The following PDE4DIP variants were observed in gnomAD, a reference collection of about 807,000 sequenced individuals.
PDE4DIP encodes the protein phosphodiesterase 4D interacting protein.
Under a neutral mutation model 221.4 loss-of-function variants are expected in PDE4DIP, and 59 were observed. The ratio of observed to expected loss-of-function variants is 0.27; its 90% CI spans 0.22 to 0.33. The LOEUF is 0.33. Among genes scored for constraint, PDE4DIP ranks in the 10% least tolerant of loss-of-function variants. PDE4DIP has a pLI of 1.00. For missense variants in PDE4DIP, 1,036 were observed against 2,154.2 expected (o/e 0.48, Z 10.28); for synonymous variants, 404 against 815.9 (o/e 0.50, Z 8.60).
At chr1:148,970,904 T>C (rs1342428596) in intron 14 of PDE4DIP, among the ~76,000 whole-genome samples, 3 of 152,352 alleles carry the variant, frequency 2.0e-5, no homozygotes, top group Non-Finnish European at 4.4e-5. Flanking sequence ...GGAAGGTTTT[T>C]TCATATTTCC....
intron 9 of PDE4DIP, among the ~76,000 whole-genome samples, chr1:148,964,639 G>T (rs2057796754): frequency 6.9e-6 from 1 of 145,288 alleles, no homozygotes; most frequent in Non-Finnish European, 1.5e-5. Context: ...GCTCACGCCT[G>T]TAATCCCAGC....
intron 23 of PDE4DIP, among the ~76,000 whole-genome samples, chr1:149,000,204 A>G (rs1303975841): frequency 6.6e-6 from 1 of 152,144 alleles, no homozygotes; most frequent in Non-Finnish European, 1.5e-5. Flanking sequence ...TCAAGTTGTG[A>G]ATTACCCATT....
Position 149,023,660 on chromosome 1 carries a change from ATG to A in PDE4DIP, c.6086-780_6086-779del, listed in dbSNP as rs2073939115. Among the ~76,000 whole-genome samples the A allele has an allele frequency of 1.7e-4, 15 of 89,214 alleles. 1 individual carries two copies. Among genetic ancestry groups the A allele is most frequent in the South Asian group, 1.2e-3 (3 of 2,554 alleles). The allele number at this position is 89,214 out of a possible 152,430, so 58.5% of individuals were successfully genotyped here. On this transcript the variant is annotated intron_variant, in intron 37 of 43. Transcript: ENST00000369354. ...TGTGCACATATATATGTACATGTAT[ATG>A]TGTGCACATATATATGTACATGTAT...
chr1:148,885,358 G>A (rs4284209), upstream of PDE4DIP, among the ~76,000 whole-genome samples: 1 of 151,960 alleles, frequency 6.6e-6, no homozygotes, highest in East Asian at 1.9e-4. Flanking sequence ...AGAGCAGCCA[G>A]GCAGAAGGGT....
At chr1:148,923,833 T>C (rs1184590612) in intron 1 of PDE4DIP, among the ~76,000 whole-genome samples, 3 of 146,222 alleles carry the variant, frequency 2.1e-5, no homozygotes, top group Non-Finnish European at 3.0e-5. Flanking sequence ...TATTCCTCAC[T>C]ACAAACTTTG....
intron 14 of PDE4DIP, among the ~76,000 whole-genome samples, chr1:148,970,463 A>G (rs2058999373): frequency 6.6e-6 from 1 of 151,946 alleles, no homozygotes; most frequent in Non-Finnish European, 1.5e-5. Flanking sequence ...GATGGAAATT[A>G]CAGGAGATTT....
intron 1 of PDE4DIP, among the ~76,000 whole-genome samples, chr1:148,923,647 G>A (rs1404964687): frequency 6.9e-6 from 1 of 144,792 alleles, no homozygotes; most frequent in African/African-American, 2.7e-5. Flanking sequence ...CTAATTTTTT[G>A]TATTTTTAGT....
chr1:148,920,145 A>ATTTC (rs1422958680), intron 1 of PDE4DIP, among the ~76,000 whole-genome samples: 1 of 148,632 alleles, frequency 6.7e-6, no homozygotes, highest in Non-Finnish European at 1.5e-5. Flanking sequence ...TTATTTATTT[A>ATTTC]TTTATTTGAG....
intron 4 of PDE4DIP, among the ~76,000 whole-genome samples, chr1:148,935,448 C>G (rs2049026065): frequency 1.3e-5 from 1 of 79,212 alleles, no homozygotes; most frequent in East Asian, 3.5e-4. Flanking sequence ...CTTCCCTGGG[C>G]CTTTGTTCCA....
Position 148,961,082 on chromosome 1 carries a change from G to A in PDE4DIP, c.768+297G>A, listed in dbSNP as rs587673013. Among the ~76,000 whole-genome samples, 129 of 152,242 alleles carry A rather than the reference G, an allele frequency of 8.5e-4. 1 individual carries two copies. The highest frequency in any genetic ancestry group is 2.9e-3 in the African/African-American group (121 of 41,548). ...AGTGCTTTGGGAGGCCAAGGCAGGCGGATCACGAGGTCAGGAGTTCGAGAC... is the reference window on the plus strand; with the variant it reads ...AGTGCTTTGGGAGGCCAAGGCAGGCAGATCACGAGGTCAGGAGTTCGAGAC... On this transcript the variant is annotated intron_variant, in intron 6 of 43. Transcript: ENST00000369354.
At chr1:148,929,354 T>C (rs2047336854) in intron 2 of PDE4DIP, 81 bp downstream of exon 5, 1 of 1,451,294 alleles carries the variant, frequency 6.9e-7, no homozygotes, top group Admixed American at 2.0e-5. Flanking sequence ...ACCAAATTCC[T>C]TAACCTATCT....
intron 2 of PDE4DIP, chr1:148,929,913 T>G (rs1192449917): frequency 6.6e-6 from 1 of 152,618 alleles, no homozygotes; most frequent in African/African-American, 2.4e-5. Context: ...CACTGTGGAC[T>G]ATTATGCAGT....
chr1:149,007,002 C>T lies in PDE4DIP; in HGVS notation c.4416-199C>T, dbSNP rs370607668. Among the ~76,000 whole-genome samples, 72 of 145,342 alleles carry T rather than the reference C, an allele frequency of 5.0e-4. No individual in the cohort carries two copies. In the Middle Eastern group the frequency reaches 0.01, roughly 21 times the overall value. Reference sequence around the variant, plus strand: ...CAGGCGTGAGCTACCACGCCCGGCCCGTACTAAGTTTTTTAATGCAATACT... The same window carrying T: ...CAGGCGTGAGCTACCACGCCCGGCCTGTACTAAGTTTTTTAATGCAATACT... On this transcript the variant is annotated intron_variant, in intron 27 of 43. Coordinates refer to ENST00000369354, the Ensembl canonical transcript of PDE4DIP.
At chr1:148,929,606 C>T (rs1573612577) in intron 2 of PDE4DIP, 1 of 261,316 alleles carries the variant, frequency 3.8e-6, no homozygotes, top group Admixed American at 5.0e-5. Flanking sequence ...ATCAGTCAGC[C>T]TATAATAACA....
At chr1:148,924,401 A>G (rs1220052626) in intron 1 of PDE4DIP, among the ~76,000 whole-genome samples, 59 of 152,226 alleles carry the variant, frequency 3.9e-4, no homozygotes, top group African/African-American at 1.4e-3. Context: ...GTTGTGTATA[A>G]TTTAATCGCT....
At chr1:149,010,655 T>G in intron 31 of PDE4DIP, 60 bp downstream of exon 34, 1 of 1,569,890 alleles carries the variant, frequency 6.4e-7, no homozygotes, top group South Asian at 1.1e-5. Flanking sequence ...CCTGTTTGAT[T>G]TTTCTTCAAC....
chr1:148,964,624 C>T lies in PDE4DIP; in HGVS notation c.1195-860C>T, dbSNP rs200878800. On this transcript the variant is annotated intron_variant, in intron 9 of 43. Coordinates refer to ENST00000369354, the Ensembl canonical transcript of PDE4DIP. ...GAAATATTAAAATTTTGGCTGGGCA[C>T]AGTGGCTCACGCCTGTAATCCCAGC... is the stretch of plus-strand genomic sequence containing the variant. Among the ~76,000 whole-genome samples, 119 of 143,994 alleles carry T rather than the reference C, an allele frequency of 8.3e-4. 1 individual carries two copies. In the East Asian group the frequency reaches 0.02, roughly 24 times the overall value. The allele number at this position is 143,994 out of a possible 152,430, so 94.5% of individuals were successfully genotyped here.
chr1:149,004,150 A>G (rs2066401555), intron 26 of PDE4DIP, among the ~76,000 whole-genome samples: 2 of 152,040 alleles, frequency 1.3e-5, no homozygotes, highest in East Asian at 3.9e-4. Context: ...TTAAGAGACA[A>G]GATCCTGGGG....
chr1:149,023,505 T>C (rs2073790999), intron 37 of PDE4DIP, among the ~76,000 whole-genome samples: 2 of 147,502 alleles, frequency 1.4e-5, no homozygotes, highest in Middle Eastern at 3.6e-3. Flanking sequence ...TACAAAGAAA[T>C]AGCCATGTGG....
Sources: allele counts gnomAD v4.1 joint callset (sites outside exome capture counted in the v4.1 genomes callset), GRCh38; gene constraint gnomAD v4.1.1; transcripts MANE v1.5; gene names NCBI Gene and HGNC (gene_info 2026-07-23, HGNC 2026-07-21).